NELL2: variants seen among roughly 807,000 people sequenced by gnomAD.
The protein encoded by NELL2 is protein kinase C-binding protein NELL2.
In NELL2, 41 loss-of-function variants were observed where a neutral mutation model predicts 109.6. That is an observed-to-expected ratio of 0.37 (90% CI 0.29 to 0.49). The LOEUF (loss-of-function observed/expected upper bound fraction) is 0.49. Among genes scored for constraint, NELL2 ranks in the 20% least tolerant of loss-of-function variants. NELL2 has a pLI of 0.98. For synonymous variants in NELL2, 355 were observed against 344.7 expected (o/e 1.03, Z -0.33); for missense variants, 900 against 1,008.3 (o/e 0.89, Z 1.45).
intron 9 of NELL2, among the ~76,000 whole-genome samples, chr12:44,724,938 A>C (rs1228695517): frequency 6.6e-6 from 1 of 152,154 alleles, no homozygotes; most frequent in African/African-American, 2.4e-5. Flanking sequence ...AATGGAACAG[A>C]ATACAGAGCC....
At chr12:44,596,317 C>T (rs141141207) in intron 15 of NELL2, among the ~76,000 whole-genome samples, 3,842 of 152,214 alleles carry the variant, frequency 0.025, 82 homozygotes, top group Non-Finnish European at 0.039. Context: ...AGTGGGAGGC[C>T]AAATATCAGA....
chr12:44,813,564 T>A (rs1469319422), intron 3 of NELL2, among the ~76,000 whole-genome samples: 1 of 152,108 alleles, frequency 6.6e-6, no homozygotes, highest in Non-Finnish European at 1.5e-5. Context: ...GAAATATTCA[T>A]CATATTATTA....
chr12:44,777,173 C>T (rs1388616135), intron 6 of NELL2, 49 bp from the exon 7 acceptor site: 1 of 1,609,554 alleles, frequency 6.2e-7, no homozygotes, highest in Admixed American at 1.7e-5. Flanking sequence ...ATAAGGGGTT[C>T]AATCTGGTTA....
At chr12:44,626,477 T>G (rs1434082741) in intron 13 of NELL2, among the ~76,000 whole-genome samples, 1 of 152,196 alleles carries the variant, frequency 6.6e-6, no homozygotes, top group African/African-American at 2.4e-5. Flanking sequence ...TTACCTGGAT[T>G]TATTTCTTCA....
chr12:44,908,801 A>T (rs1275651788), intron 1 of NELL2, among the ~76,000 whole-genome samples: 1 of 152,058 alleles, frequency 6.6e-6, no homozygotes, highest in Non-Finnish European at 1.5e-5. Flanking sequence ...CAGAGTGCTA[A>T]TGACCACACT....
At chr12:44,919,267 G>A (rs187798259) in intron 1 of NELL2, among the ~76,000 whole-genome samples, 2 of 152,042 alleles carry the variant, frequency 1.3e-5, no homozygotes, top group Non-Finnish European at 2.9e-5. Context: ...TTGTGGAAAT[G>A]CAGTGGTACA....
At chr12:44,542,118 T>C (rs571337143) in intron 15 of NELL2, among the ~76,000 whole-genome samples, 1 of 152,286 alleles carries the variant, frequency 6.6e-6, no homozygotes, top group Admixed American at 6.5e-5. Flanking sequence ...ATGCATTATT[T>C]AAAAATATTT....
chr12:44,750,455 C>T (rs887650863), intron 9 of NELL2, among the ~76,000 whole-genome samples: 1 of 151,928 alleles, frequency 6.6e-6, no homozygotes, highest in African/African-American at 2.4e-5. Context: ...TTCATGCAGC[C>T]ATATTATGTA....
chr12:44,563,240 C>T (rs919752494), intron 15 of NELL2, among the ~76,000 whole-genome samples: 3 of 151,968 alleles, frequency 2.0e-5, no homozygotes, highest in African/African-American at 7.3e-5. Flanking sequence ...GTGCAGCAAA[C>T]CACCATGGCA....
chr12:44,570,708 T>G (rs546782307), intron 15 of NELL2, among the ~76,000 whole-genome samples: 1 of 152,276 alleles, frequency 6.6e-6, no homozygotes, highest in East Asian at 1.9e-4. Flanking sequence ...GTTATCTTTT[T>G]AAAAAATATA....
intron 16 of NELL2, among the ~76,000 whole-genome samples, chr12:44,527,972 T>C (rs569269793): frequency 6.6e-6 from 1 of 151,484 alleles, no homozygotes; most frequent in South Asian, 2.1e-4. Context: ...CGGGCGCCTG[T>C]AGTCCCAGCT....
chr12:44,517,130 ATTG>A (rs1941304789), intron 19 of NELL2, among the ~76,000 whole-genome samples: 1 of 151,634 alleles, frequency 6.6e-6, no homozygotes, highest in African/African-American at 2.4e-5. Context: ...TTTCCCTCAA[ATTG>A]TTATTTAGTC....
At chr12:44,857,082 TAACA>T (rs1247070408) in intron 2 of NELL2, among the ~76,000 whole-genome samples, 7 of 152,062 alleles carry the variant, frequency 4.6e-5, no homozygotes, top group Admixed American at 4.6e-4. Context: ...ACATAAAAAG[TAACA>T]AACAATAATT....
intron 15 of NELL2, among the ~76,000 whole-genome samples, chr12:44,573,437 T>G (rs969731208): frequency 2.0e-5 from 3 of 152,132 alleles, no homozygotes; most frequent in African/African-American, 7.2e-5. Flanking sequence ...CAAAGAAATG[T>G]ACCACAAGCA....
intron 13 of NELL2, among the ~76,000 whole-genome samples, chr12:44,627,121 G>A (rs1946295877): frequency 6.6e-6 from 1 of 152,124 alleles, no homozygotes; most frequent in Non-Finnish European, 1.5e-5. Context: ...AATTACTGCT[G>A]CTGACAATAC....
chr12:44,737,584 T>C (rs532186984), intron 9 of NELL2, among the ~76,000 whole-genome samples: 5 of 152,220 alleles, frequency 3.3e-5, no homozygotes, highest in South Asian at 2.1e-4. Flanking sequence ...AATCCCCCCA[T>C]GGTAAATACA....
At position 44,876,259 on chromosome 12, in the gene NELL2, G is replaced by GCCCCGCACCC; in HGVS notation, c.-400_-391dup. 3.4e-6 allele frequency: 4 copies of GCCCCGCACCC among 1,160,242 alleles called. No individual in the cohort carries two copies. The highest frequency in any genetic ancestry group is 4.3e-6 in the Non-Finnish European group (4 of 939,616). The allele number at this position is 1,160,242 out of a possible 1,614,324, so 71.9% of individuals were successfully genotyped here. ...CCCCAAGAAAGCCCGGGCTGGGGCG[G>GCCCCGCACCC]CCCCGCACCCCCCCGTCTTCCCCGC... On this transcript the variant is annotated 5_prime_UTR_variant, in exon 1 of 20. Coordinates refer to ENST00000429094, the MANE Select transcript of NELL2 (RefSeq NM_001145108.2).
intron 12 of NELL2, among the ~76,000 whole-genome samples, chr12:44,687,379 G>A (rs1411787070): frequency 2.6e-5 from 4 of 152,190 alleles, no homozygotes; most frequent in African/African-American, 4.8e-5. Context: ...TGTCCCTCAC[G>A]CTGGGAGCTG....
At chr12:44,655,444 T>C (rs1306007320) in intron 13 of NELL2, among the ~76,000 whole-genome samples, 1 of 152,218 alleles carries the variant, frequency 6.6e-6, no homozygotes, top group African/African-American at 2.4e-5. Flanking sequence ...CTTTTCATCT[T>C]TAAAAAAGGC....
Sources: allele counts gnomAD v4.1 joint callset (sites outside exome capture counted in the v4.1 genomes callset), GRCh38; gene constraint gnomAD v4.1.1; transcripts MANE v1.5; gene names NCBI Gene and HGNC (gene_info 2026-07-23, HGNC 2026-07-21).